The following FER variants were observed in gnomAD, a reference collection of about 807,000 sequenced individuals.
FER encodes the protein FER tyrosine kinase.
FER carries 63 observed loss-of-function variants against 111.0 expected under a neutral mutation model. The ratio of observed to expected loss-of-function variants is 0.57; its 90% CI spans 0.46 to 0.70. The LOEUF (loss-of-function observed/expected upper bound fraction) is 0.70, where lower values mean the gene tolerates loss of function less well. Ranked by LOEUF, FER falls within the 30% of genes least tolerant of loss-of-function variation. FER has a pLI of 0.00. For missense variants in FER, 914 were observed against 954.0 expected (o/e 0.96, Z 0.55); for synonymous variants, 327 against 313.9 (o/e 1.04, Z -0.44).
intron 2 of FER, among the ~76,000 whole-genome samples, chr5:108,774,466 G>T (rs1490493166): frequency 6.6e-6 from 1 of 152,138 alleles, no homozygotes; most frequent in Non-Finnish European, 1.5e-5. Context: ...CTAGATCCTT[G>T]AGGAATTGCC....
chr5:108,858,766 A>ATTTTT (rs75243334), intron 5 of FER, among the ~76,000 whole-genome samples: 72 of 124,662 alleles, frequency 5.8e-4, no homozygotes, highest in Non-Finnish European at 7.7e-4. Flanking sequence ...CAGTTTTTTC[A>ATTTTT]TTTTTTTTTT....
At chr5:109,076,460 TG>T (rs1461079442) in intron 16 of FER, among the ~76,000 whole-genome samples, 7 of 152,120 alleles carry the variant, frequency 4.6e-5, no homozygotes, top group African/African-American at 1.7e-4. Context: ...GACACGGTCT[TG>T]CTCTGTCGCC....
intron 13 of FER, among the ~76,000 whole-genome samples, chr5:109,012,166 G>A (rs1766362522): frequency 6.6e-6 from 1 of 152,222 alleles, no homozygotes; most frequent in Non-Finnish European, 1.5e-5. Context: ...CCTTCTTGGA[G>A]GTAGACTGTG....
At chr5:109,131,635 T>G (rs1219535895) in intron 17 of FER, among the ~76,000 whole-genome samples, 2 of 152,162 alleles carry the variant, frequency 1.3e-5, no homozygotes, top group Admixed American at 6.6e-5. Flanking sequence ...ATTTATTTTT[T>G]GGGTGTGTGA....
intron 13 of FER, among the ~76,000 whole-genome samples, chr5:108,978,401 A>G (rs1357821759): frequency 6.6e-6 from 1 of 152,078 alleles, no homozygotes. Flanking sequence ...GTGGTCTGTT[A>G]TTTCATACCT....
chr5:108,920,039 ATT>A (rs1752819295), intron 10 of FER, among the ~76,000 whole-genome samples: 1 of 150,670 alleles, frequency 6.6e-6, no homozygotes, highest in South Asian at 2.1e-4. Flanking sequence ...AGTTTTTAGT[ATT>A]TTCATTTCAG....
intron 17 of FER, among the ~76,000 whole-genome samples, chr5:109,172,923 A>G (rs1434386837): frequency 6.6e-6 from 1 of 152,194 alleles, no homozygotes; most frequent in East Asian, 1.9e-4. Context: ...AACCATCCAG[A>G]TTAATCACAG....
At chr5:109,125,676 G>A (rs1751621855) in intron 17 of FER, among the ~76,000 whole-genome samples, 1 of 152,276 alleles carries the variant, frequency 6.6e-6, no homozygotes, top group East Asian at 1.9e-4. Flanking sequence ...AGTAGTAGCA[G>A]TATTGTTTCT....
At chr5:108,792,495 G>A (rs1243799085) in intron 2 of FER, among the ~76,000 whole-genome samples, 1 of 151,680 alleles carries the variant, frequency 6.6e-6, no homozygotes, top group Non-Finnish European at 1.5e-5. Flanking sequence ...GCGCCACCAC[G>A]CACGGCTAAT....
At chr5:108,808,651 A>G (rs1757439804) in intron 3 of FER, among the ~76,000 whole-genome samples, 1 of 152,044 alleles carries the variant, frequency 6.6e-6, no homozygotes, top group Non-Finnish European at 1.5e-5. Flanking sequence ...AAGTCATTAG[A>G]TGATTACTTT....
At chr5:109,003,733 A>C (rs768097771) in intron 13 of FER, among the ~76,000 whole-genome samples, 2 of 152,172 alleles carry the variant, frequency 1.3e-5, no homozygotes, top group Admixed American at 6.5e-5. Context: ...TAATCCCAGC[A>C]CTTTGGGAGC....
chr5:109,148,662 A>C (rs1754494916), intron 17 of FER, among the ~76,000 whole-genome samples: 1 of 152,172 alleles, frequency 6.6e-6, no homozygotes, highest in African/African-American at 2.4e-5. Context: ...AGTGGTTAAA[A>C]CTTTTAAAGG....
chr5:109,135,183 G>A (rs896283608), intron 17 of FER, among the ~76,000 whole-genome samples: 2 of 152,200 alleles, frequency 1.3e-5, no homozygotes, highest in African/African-American at 4.8e-5. Context: ...TAAAGCTGGA[G>A]GGATGATAAT....
intron 1 of FER, among the ~76,000 whole-genome samples, chr5:108,765,235 A>C (rs977624119): frequency 1.3e-5 from 2 of 152,182 alleles, no homozygotes; most frequent in African/African-American, 4.8e-5. Context: ...TCATAGGTTT[A>C]TAGTAGTTTG....
At chr5:108,920,129 G>A (rs1485756576) in intron 10 of FER, among the ~76,000 whole-genome samples, 1 of 151,994 alleles carries the variant, frequency 6.6e-6, no homozygotes, top group African/African-American at 2.4e-5. Flanking sequence ...TTACCAGCAG[G>A]TGGAGCTCAG....
At chr5:108,763,712 T>A (rs1409910625) in intron 1 of FER, among the ~76,000 whole-genome samples, 3 of 152,196 alleles carry the variant, frequency 2.0e-5, no homozygotes, top group Non-Finnish European at 2.9e-5. Flanking sequence ...AAATATCCAT[T>A]TGTAGTACAT....
intron 14 of FER, among the ~76,000 whole-genome samples, chr5:109,041,854 G>C (rs1771227494): frequency 2.6e-5 from 4 of 152,156 alleles, no homozygotes; most frequent in Admixed American, 2.6e-4. Context: ...TTTAAAGCCA[G>C]TGATAAGTAG....
At chr5:109,049,227 G>A (rs1772409503) in intron 16 of FER, among the ~76,000 whole-genome samples, 1 of 152,188 alleles carries the variant, frequency 6.6e-6, no homozygotes. Flanking sequence ...AGGGTCTGTA[G>A]GTTAGAATTC....
chr5:108,970,241 A>G (rs533100937), intron 13 of FER, among the ~76,000 whole-genome samples: 3 of 149,880 alleles, frequency 2.0e-5, no homozygotes, highest in African/African-American at 7.6e-5. Context: ...TTTGAGACGG[A>G]GTCTCACTCT....
Sources: allele counts gnomAD v4.1 joint callset (sites outside exome capture counted in the v4.1 genomes callset), GRCh38; gene constraint gnomAD v4.1.1; transcripts MANE v1.5; gene names NCBI Gene and HGNC (gene_info 2026-07-23, HGNC 2026-07-21).